ARHGAP20: variants seen among roughly 807,000 people sequenced by gnomAD.
The protein encoded by ARHGAP20 is Rho GTPase activating protein 20, also known as rho GTPase-activating protein 20.
Under a neutral mutation model 73.7 loss-of-function variants are expected in ARHGAP20, and 34 were observed. The ratio of observed to expected loss-of-function variants is 0.46; its 90% CI spans 0.35 to 0.61. The LOEUF (loss-of-function observed/expected upper bound fraction) is 0.61, where lower values mean the gene tolerates loss of function less well. Among genes scored for constraint, ARHGAP20 ranks in the 20% least tolerant of loss-of-function variants. The pLI is 0.00. For missense variants in ARHGAP20, 1,314 were observed against 1,420.9 expected, an observed-to-expected ratio of 0.92 and a Z score of 1.21; for synonymous variants, 523 against 518.2, an observed-to-expected ratio of 1.01 and a Z score of -0.13.
At chr11:110,656,644 TGTGA>T (rs1333848620) in intron 2 of ARHGAP20, among the ~76,000 whole-genome samples, 2 of 152,136 alleles carry the variant, frequency 1.3e-5, no homozygotes, top group Non-Finnish European at 2.9e-5. Context: ...GCTCCTCCAT[TGTGA>T]GTATTAAAAA....
At chr11:110,622,555 G>A (rs900674700) in intron 4 of ARHGAP20, among the ~76,000 whole-genome samples, 1 of 151,980 alleles carries the variant, frequency 6.6e-6, no homozygotes, top group African/African-American at 2.4e-5. Context: ...TTCCATTAAT[G>A]TCCTTTTTCT....
At chr11:110,650,175 C>T (rs897004441) in intron 2 of ARHGAP20, among the ~76,000 whole-genome samples, 1 of 152,192 alleles carries the variant, frequency 6.6e-6, no homozygotes, top group East Asian at 1.9e-4. Context: ...TGCCATGTTT[C>T]CCCAGCTGGA....
chr11:110,578,130 C>CT lies in ARHGAP20; in HGVS notation c.*1239dup. 1 of 985,378 alleles carries CT rather than the reference C, an allele frequency of 1.0e-6. No individual in the cohort carries two copies. The highest frequency in any genetic ancestry group is 4.7e-5 in the South Asian group (1 of 21,276). The allele number at this position is 985,378 out of a possible 1,614,324, so 61.0% of individuals were successfully genotyped here. ...AGGTGACGAGATGTACTGCTGCAAC[C>CT]TTTAAGTCAAGAAAGCAGAGAAAGA... On this transcript the variant is annotated 3_prime_UTR_variant, in exon 15 of 15. Coordinates refer to ENST00000683387, the MANE Select transcript of ARHGAP20 (RefSeq NM_001384657.1).
intron 2 of ARHGAP20, among the ~76,000 whole-genome samples, chr11:110,633,442 G>A (rs1206787106): frequency 6.6e-6 from 1 of 152,146 alleles, no homozygotes; most frequent in Non-Finnish European, 1.5e-5. Context: ...AAATCATAAA[G>A]TTACGTAGTG....
At chr11:110,686,660 T>C (rs573987642) in intron 2 of ARHGAP20, among the ~76,000 whole-genome samples, 1 of 152,248 alleles carries the variant, frequency 6.6e-6, no homozygotes, top group Non-Finnish European at 1.5e-5. Context: ...AACAGTATTA[T>C]ATTCTATACT....
rs1947351528 is a variant in ARHGAP20, at chr11:110,578,731, T to C, written c.*639A>G. 1 of 985,308 alleles carries C rather than the reference T, an allele frequency of 1.0e-6. No homozygotes were observed. Among genetic ancestry groups the C allele is most frequent in the Non-Finnish European group, 1.2e-6 (1 of 829,938 alleles). 61.0% of individuals were successfully genotyped at this position (985,308 alleles called of 1,614,324 possible). A position where few individuals can be genotyped will look rare whatever the true frequency, so the allele number is the denominator to read the frequency against. ...ACAAATACAACCAACAAAACTGATA[T>C]CATGGTACCCATGGCTTTTGAGTCA... On this transcript the variant is annotated 3_prime_UTR_variant, in exon 15 of 15. Transcript: ENST00000683387.
chr11:110,676,486 T>A (rs1411647694), intron 2 of ARHGAP20, among the ~76,000 whole-genome samples: 2 of 152,154 alleles, frequency 1.3e-5, no homozygotes, highest in African/African-American at 2.4e-5. Context: ...AAGTCCCTTA[T>A]GAAACCATCA....
chr11:110,692,436 T>C (rs1267292022), intron 1 of ARHGAP20, among the ~76,000 whole-genome samples: 1 of 152,090 alleles, frequency 6.6e-6, no homozygotes, highest in African/African-American at 2.4e-5. Flanking sequence ...ATTTACTACT[T>C]TGAAGTGTGA....
chr11:110,586,351 T>A (rs1488611353), intron 11 of ARHGAP20, 26 bp from the exon 12 acceptor site: 1 of 1,400,310 alleles, frequency 7.1e-7, no homozygotes, highest in East Asian at 2.3e-5. Context: ...AAACAAATAT[T>A]TCAAATAATT....
chr11:110,590,900 G>A, intron 10 of ARHGAP20, 91 bp from the exon 11 acceptor site: 1 of 1,286,066 alleles, frequency 7.8e-7, no homozygotes, highest in South Asian at 1.6e-5. Context: ...AGAGGCTAGG[G>A]TGCGCTAGGG....
intron 3 of ARHGAP20, among the ~76,000 whole-genome samples, chr11:110,629,620 T>C (rs1948819827): frequency 6.6e-6 from 1 of 152,218 alleles, no homozygotes; most frequent in South Asian, 2.1e-4. Context: ...TCTTTATGCT[T>C]GTCTTTAATT....
chr11:110,652,927 T>G (rs946478562), intron 2 of ARHGAP20, among the ~76,000 whole-genome samples: 1 of 152,052 alleles, frequency 6.6e-6, no homozygotes, highest in Non-Finnish European at 1.5e-5. Context: ...ACATCTATAA[T>G]CATCTGATCT....
Position 110,614,632 on chromosome 11 carries a change from C to G in ARHGAP20, c.559G>C (p.Glu187Gln). The G allele has an allele frequency of 6.2e-7, 1 of 1,611,782 alleles. No individual in the cohort carries two copies. The highest frequency in any genetic ancestry group is 8.5e-7 in the Non-Finnish European group (1 of 1,178,932). ...CTCTTCGGGTAGTCCTTTTCTTTCT[C>G]TAGATTGATGTATCTAATCAAATGC... The part of the protein sequence containing the change: ...LSLLQRYINL[E>Q]KEKDYPKSIP... Residue 187 changes from glutamate to glutamine, a missense_variant, in exon 6 of 15, where the codon GAG (glutamate) becomes CAG (glutamine). This residue lies in a region of ARHGAP20 where 443 missense variants were observed against 466.4 expected (regional missense o/e 0.95). Coordinates refer to ENST00000683387, the MANE Select transcript of ARHGAP20 (RefSeq NM_001384657.1).
Position 110,661,024 on chromosome 11 carries a change from A to G in ARHGAP20, c.188+29523T>C, listed in dbSNP as rs140394055. On this transcript the variant is annotated intron_variant, in intron 2 of 14. Transcript: ENST00000683387. The stretch of plus-strand genomic sequence containing the variant: ...TGATGCTCAGTTCAGAAGTTTACAT[A>G]ATTCCAAAACAAATACATCAGAAGA... Among the ~76,000 whole-genome samples, 1,107 of 152,314 alleles carry G rather than the reference A, an allele frequency of 7.3e-3. 4 individuals carry two copies. Among genetic ancestry groups the G allele is most frequent in the South Asian group, 0.021 (102 of 4,824 alleles).
At chr11:110,637,738 A>G (rs326958) in intron 2 of ARHGAP20, among the ~76,000 whole-genome samples, 77,433 of 151,824 alleles carry the variant, frequency 0.51, 21,647 homozygotes, top group African/African-American at 0.76. Flanking sequence ...TAAAAGAAAT[A>G]CAGAGTGCAG....
At position 110,580,807 on chromosome 11, in the gene ARHGAP20, T is replaced by G. The variant is rs753863471; in HGVS notation, c.2139A>C (p.Ser713=). 16 of 1,613,792 alleles carry G rather than the reference T, an allele frequency of 9.9e-6. No individual in the cohort carries two copies. The highest frequency in any genetic ancestry group is 1.6e-4 in the Middle Eastern group (1 of 6,062). ...CSEPSIDYLD[S]KLSYLREFYQ... is the part of the protein sequence containing the mutation. ...AAAACTCCCTGAGGTAGGAAAGCTTTGAATCCAGATAGTCGATGCTGGGCT... is the reference window on the plus strand; with the variant it reads ...AAAACTCCCTGAGGTAGGAAAGCTTGGAATCCAGATAGTCGATGCTGGGCT... Residue 713 remains serine, a synonymous_variant, in exon 15 of 15, where the codon TCA becomes TCC. Transcript: ENST00000683387.
At chr11:110,706,241 C>T (rs1950551009) in intron 1 of ARHGAP20, among the ~76,000 whole-genome samples, 1 of 152,054 alleles carries the variant, frequency 6.6e-6, no homozygotes, top group South Asian at 2.1e-4. Flanking sequence ...GTGATAGTCT[C>T]GTTGAAAAGA....
chr11:110,689,237 G>C (rs1013021322), intron 2 of ARHGAP20, among the ~76,000 whole-genome samples: 2 of 151,704 alleles, frequency 1.3e-5, no homozygotes, highest in Non-Finnish European at 2.9e-5. Flanking sequence ...TCCTAACCTC[G>C]TGACCCGCCC....
At position 110,712,158 on chromosome 11, in the gene ARHGAP20, G is replaced by GA; in HGVS notation, c.73dup (p.Ser25PhefsTer30). The GA allele has an allele frequency of 1.5e-6, 2 of 1,368,604 alleles. No individual in the cohort carries two copies. Among genetic ancestry groups the GA allele is most frequent in the Non-Finnish European group, 1.9e-6 (2 of 1,055,250 alleles). 84.8% of individuals were successfully genotyped at this position (1,368,604 alleles called of 1,614,324 possible). On this transcript the variant is annotated frameshift_variant, in exon 1 of 15. Coordinates refer to ENST00000683387, the MANE Select transcript of ARHGAP20 (RefSeq NM_001384657.1). LOFTEE classifies it high-confidence loss of function. ...GGTGCAGCTGCCTCCCGCGAGCCGA[G>GA]ACACTCCTGTCAGGGAAGAGGAGCG... is the stretch of plus-strand genomic sequence containing the variant.
Sources: allele counts gnomAD v4.1 joint callset (sites outside exome capture counted in the v4.1 genomes callset), GRCh38; gene constraint gnomAD v4.1.1; regional missense constraint gnomAD v4.1.1; transcripts MANE v1.5; gene names NCBI Gene and HGNC (gene_info 2026-07-23, HGNC 2026-07-21).